The following ARHGAP40 variants were observed in gnomAD, a reference collection of about 807,000 sequenced individuals.
ARHGAP40 encodes Rho GTPase activating protein 40.
In ARHGAP40, 43 loss-of-function variants were observed where a neutral mutation model predicts 73.5. The ratio of observed to expected loss-of-function variants is 0.58; its 90% CI spans 0.46 to 0.75. ARHGAP40 has a LOEUF of 0.75. ARHGAP40 is among the 30% of genes least tolerant of loss of function. The pLI is 0.00. For missense variants in ARHGAP40, 734 were observed against 861.8 expected (o/e 0.85, Z 1.86); for synonymous variants, 300 against 352.8 (o/e 0.85, Z 1.68).
chr20:38,603,740 T>C (rs1417227039), intron 1 of ARHGAP40, among the ~76,000 whole-genome samples: 1 of 152,236 alleles, frequency 6.6e-6, no homozygotes, highest in Non-Finnish European at 1.5e-5. Context: ...GGGTGCATTC[T>C]GTCTGGGGGC....
At chr20:38,629,517 G>A in exon 5 of ARHGAP40, 9 of 1,305,394 alleles carry the variant, frequency 6.9e-6, no homozygotes, top group African/African-American at 1.5e-5. Context: ...GAGCCTGGGG[G>A]GCTGCAGGAG....
At chr20:38,635,876 T>C (rs1447720994) in intron 6 of ARHGAP40, among the ~76,000 whole-genome samples, 2 of 152,220 alleles carry the variant, frequency 1.3e-5, no homozygotes, top group African/African-American at 2.4e-5. Context: ...CTTGCTCACA[T>C]GTTTATGAGT....
chr20:38,638,613 G>C (rs1156586913), intron 7 of ARHGAP40, 148 bp from the exon 8 acceptor site: 5 of 430,148 alleles, frequency 1.2e-5, no homozygotes, highest in African/African-American at 4.2e-5. Context: ...TGGGCTCATG[G>C]AAGTGGTCAC....
At chr20:38,616,886 C>T (rs912020210) in intron 1 of ARHGAP40, among the ~76,000 whole-genome samples, 1 of 152,184 alleles carries the variant, frequency 6.6e-6, no homozygotes, top group East Asian at 1.9e-4. Context: ...CCCTCCTTCA[C>T]AGCAAAGAAT....
intron 13 of ARHGAP40, among the ~76,000 whole-genome samples, chr20:38,647,783 A>G (rs2089063823): frequency 6.6e-6 from 1 of 152,250 alleles, no homozygotes; most frequent in Admixed American, 6.5e-5. Flanking sequence ...GAAGACCTGG[A>G]TATAAAGCAG....
chr20:38,623,714 C>T (rs1471261007), intron 2 of ARHGAP40, among the ~76,000 whole-genome samples, 156 bp downstream of exon 2: 1 of 152,182 alleles, frequency 6.6e-6, no homozygotes, highest in African/African-American at 2.4e-5. Context: ...CCTGCTTCAC[C>T]CGTGATCCTT....
Position 38,643,887 on chromosome 20 carries a change from C to A in ARHGAP40, c.1546C>A (p.His516Asn), listed in dbSNP as rs16987460. 1,612 of 1,304,168 alleles carry A rather than the reference C, an allele frequency of 1.2e-3. 17 individuals are homozygous for A. The African/African-American group carries it at 0.02, about 16-fold the overall frequency. 80.8% of individuals were successfully genotyped at this position (1,304,168 alleles called of 1,614,324 possible). Residue 516 changes from histidine (H) to asparagine (N), a missense_variant, in exon 11 of 15, where the codon CAC (histidine) becomes AAC (asparagine). His to Asn is a moderately conservative substitution (Grantham distance 68). Transcript: ENST00000373345. Reference sequence around the variant, plus strand: ...AGCCGAGGTGGTGCAGATAATGGTGCACTACCAGGATCTGCTGTGGACGGT... The same window carrying A: ...AGCCGAGGTGGTGCAGATAATGGTGAACTACCAGGATCTGCTGTGGACGGT...
At chr20:38,616,727 C>T (rs1318852868) in intron 1 of ARHGAP40, among the ~76,000 whole-genome samples, 1 of 152,132 alleles carries the variant, frequency 6.6e-6, no homozygotes, top group Non-Finnish European at 1.5e-5. Context: ...CCATGCTAAG[C>T]AGTGTTTCTC....
rs1228434870 is a variant in ARHGAP40 at position 38,646,792 on chromosome 20, G to A, written c.1711-165G>A. Among the ~76,000 whole-genome samples the A allele has an allele frequency of 1.3e-5, 2 of 152,184 alleles. No homozygotes were observed. The highest frequency in any genetic ancestry group is 2.4e-5 in the African/African-American group (1 of 41,438). On this transcript the variant is annotated intron_variant, in intron 12 of 14. Transcript: ENST00000373345. This position sits in a 1 kb window ranked among gnomAD's most constrained non-coding sequence, Gnocchi z 4.5. ...ACAAACACACATCTGGAATGTGTAT[G>A]TCTGTGATCTGTGCCCAAGTGTCCG...
intron 3 of ARHGAP40, among the ~76,000 whole-genome samples, chr20:38,627,448 T>G: frequency 1.2e-5 from 1 of 86,170 alleles, no homozygotes; most frequent in Non-Finnish European, 2.8e-5. Flanking sequence ...GTTGGGGGTG[T>G]GTGTGTTGGT....
At chr20:38,609,165 T>C in intron 1 of ARHGAP40, among the ~76,000 whole-genome samples, 1 of 152,122 alleles carries the variant, frequency 6.6e-6, no homozygotes, top group East Asian at 1.9e-4. Context: ...GGGGGGTTAT[T>C]CTGCCTACCC....
chr20:38,615,538 A>C, intron 1 of ARHGAP40: 1 of 591,702 alleles, frequency 1.7e-6, no homozygotes. Flanking sequence ...GTCCCGGAGG[A>C]GGTGCCGCAG....
chr20:38,627,651 TTGG>T lies in ARHGAP40; in HGVS notation c.558+439_558+441del, dbSNP rs529614163. Among the ~76,000 whole-genome samples the T allele has an allele frequency of 8.5e-5, 12 of 140,594 alleles. No homozygotes were observed. In the South Asian group the frequency reaches 2.1e-3, roughly 24 times the overall value. The allele number at this position is 140,594 out of a possible 152,430, so 92.2% of individuals were successfully genotyped here. On this transcript the variant is annotated intron_variant, in intron 3 of 14. Coordinates refer to ENST00000373345, the Ensembl canonical transcript of ARHGAP40. ...TGTGTTGGGGTGTGTGTGGGGTGTG[TTGG>T]TGTGTGTGGGGGTGTGTTGGTGTGT... is the stretch of plus-strand genomic sequence containing the variant.
intron 1 of ARHGAP40, among the ~76,000 whole-genome samples, chr20:38,621,397 G>A (rs1337807551): frequency 6.6e-6 from 1 of 152,192 alleles, no homozygotes; most frequent in Non-Finnish European, 1.5e-5. Context: ...AAAAGGAAAT[G>A]GGGATATTTC....
At chr20:38,606,261 T>C (rs2088770194) in intron 1 of ARHGAP40, among the ~76,000 whole-genome samples, 1 of 152,252 alleles carries the variant, frequency 6.6e-6, no homozygotes. Context: ...GTTGCTTCTT[T>C]TTCTCTTTTG....
chr20:38,635,204 T>C (rs1265210900), intron 6 of ARHGAP40, among the ~76,000 whole-genome samples: 1 of 146,766 alleles, frequency 6.8e-6, no homozygotes, highest in South Asian at 2.1e-4. Flanking sequence ...CTATATTCCT[T>C]CTGTTTACAT....
At chr20:38,634,886 CT>C (rs11481956) in intron 6 of ARHGAP40, 101 bp downstream of exon 6, 43,396 of 921,670 alleles carry the variant, frequency 0.047, 4 homozygotes, top group East Asian at 0.068. Context: ...GTCTTTCTTT[CT>C]TTTTTTTTTT....
intron 11 of ARHGAP40, among the ~76,000 whole-genome samples, chr20:38,645,593 G>A (rs2145615744): frequency 6.6e-6 from 1 of 152,280 alleles, no homozygotes; most frequent in Middle Eastern, 3.4e-3. Context: ...TGGAGTCTGG[G>A]TTCTCTGACT....
intron 11 of ARHGAP40, among the ~76,000 whole-genome samples, chr20:38,644,705 C>T (rs2089040987): frequency 6.7e-6 from 1 of 149,540 alleles, no homozygotes; most frequent in Admixed American, 6.7e-5. Flanking sequence ...CCCATCCACC[C>T]ATATGCCAAT....
Sources: gnomAD v4.1 joint callset for allele counts (sites outside exome capture counted in the v4.1 genomes callset) on GRCh38, gnomAD v4.1.1 for gene constraint, Gnocchi (gnomAD v3.1) non-coding constraint, MANE v1.5 for transcripts, NCBI Gene and HGNC (gene_info 2026-07-23, HGNC 2026-07-21) for gene names.